Variants in AKAP14 observed in about 807,000 individuals in gnomAD.
AKAP14 encodes A-kinase anchor protein 14.
AKAP14 carries 4 observed loss-of-function variants against 17.0 expected under a neutral mutation model. The observed-to-expected ratio is 0.23, with a 90% CI of 0.12 to 0.54. The LOEUF (loss-of-function observed/expected upper bound fraction) is 0.54, where lower values mean the gene tolerates loss of function less well. AKAP14 is among the 20% of genes least tolerant of loss of function. AKAP14 has a pLI of 0.95. For missense variants in AKAP14, 129 were observed against 150.9 expected (o/e 0.85, Z 0.76); for synonymous variants, 42 against 51.3 (o/e 0.82, Z 0.77).
In AKAP14 at chrX:119,895,936, T is replaced by C. The variant is rs1054191272; in HGVS notation, c.-175T>C. On this transcript the variant is annotated 5_prime_UTR_variant, in exon 1 of 7. Transcript: ENST00000371431. ...TACCAGCTGTGAGGCTTATCACCAC[T>C]GTTCTTCCTGGCATGGCCCTGTAAG... is the stretch of plus-strand genomic sequence containing the variant. 9.0e-6 allele frequency: 1 copy of C among 111,717 alleles called. No homozygotes were observed. Among genetic ancestry groups the C allele is most frequent in the Admixed American group, 9.6e-5 (1 of 10,424 alleles). The allele number at this position is 111,717 out of a possible 1,213,427, so 9.2% of individuals were successfully genotyped here.
intron 4 of AKAP14, among the ~76,000 whole-genome samples, chrX:119,905,050 C>CA (rs35528603): frequency 1.4e-3 from 132 of 95,163 alleles, no homozygotes; most frequent in Non-Finnish European, 1.9e-3. Context: ...GACCCTGTCT[C>CA]AAAAAAAAAA....
chrX:119,897,557 T>G (rs757788578), intron 2 of AKAP14, among the ~76,000 whole-genome samples: 6 of 112,624 alleles, frequency 5.3e-5, no homozygotes, highest in Non-Finnish European at 1.1e-4. Context: ...TACAGTTGTC[T>G]TTAACTACAG....
At chrX:119,906,236 T>C (rs1485730399) in intron 4 of AKAP14, among the ~76,000 whole-genome samples, 3 of 85,622 alleles carry the variant, frequency 3.5e-5, no homozygotes, top group Admixed American at 1.3e-4. Context: ...TTTTTTTTTT[T>C]TTTTTTTTTT....
chrX:119,897,105 C>T (rs767354088), intron 2 of AKAP14, among the ~76,000 whole-genome samples: 8 of 109,723 alleles, frequency 7.3e-5, no homozygotes, highest in Non-Finnish European at 1.1e-4. Context: ...CCACCGCGCC[C>T]GGCCCCAAAT....
intron 5 of AKAP14, among the ~76,000 whole-genome samples, chrX:119,916,458 AT>A (rs2056658052): frequency 9.3e-6 from 1 of 107,214 alleles, no homozygotes. Context: ...CTATCTATCT[AT>A]CTATCTATCT....
At chrX:119,905,444 A>G (rs1287664889) in intron 4 of AKAP14, among the ~76,000 whole-genome samples, 1 of 112,903 alleles carries the variant, frequency 8.9e-6, no homozygotes, top group Non-Finnish European at 1.9e-5. Flanking sequence ...GAATCAAACT[A>G]GAATGGAACA....
intron 4 of AKAP14, among the ~76,000 whole-genome samples, chrX:119,911,015 A>G (rs991690618): frequency 9.3e-6 from 1 of 107,561 alleles, no homozygotes; most frequent in Admixed American, 1.0e-4. Flanking sequence ...GGCCCTAGGT[A>G]TTGAGCTTAC....
Position 119,903,244 on chromosome X carries a change from A to G in AKAP14, c.21A>G (p.Ser7=), listed in dbSNP as rs1445150477. The G allele has an allele frequency of 8.3e-7, 1 of 1,209,024 alleles. No homozygotes were observed. Among genetic ancestry groups the G allele is most frequent in the Admixed American group, 2.2e-5 (1 of 45,233 alleles). ...AGAAAATGAGTGAGACTCAAAATTC[A>G]ACAAGCCAGAAAGCAATGGATGAGG... The part of the protein sequence containing the change: MSETQN[S]TSQKAMDEDN... Residue 7 remains serine, a synonymous_variant, in exon 3 of 7, where the codon TCA becomes TCG. Transcript: ENST00000371431.
chrX:119,903,107 A>G, intron 2 of AKAP14, 107 bp from the exon 3 acceptor site: 1 of 829,028 alleles, frequency 1.2e-6, no homozygotes, highest in Non-Finnish European at 1.7e-6. Context: ...AGAGGCAATA[A>G]CTGCTTCCTG....
chrX:119,917,970 T>C (rs1473787699), intron 5 of AKAP14, among the ~76,000 whole-genome samples: 1 of 112,287 alleles, frequency 8.9e-6, no homozygotes, highest in East Asian at 2.8e-4. Flanking sequence ...CAAGGCCCTG[T>C]GTGATCTGGT....
chrX:119,913,067 T>C (rs2056636720), intron 4 of AKAP14, among the ~76,000 whole-genome samples: 2 of 107,555 alleles, frequency 1.9e-5, no homozygotes, highest in Admixed American at 1.0e-4. Flanking sequence ...GCAGGCGGAT[T>C]GCTCGAGCCC....
At chrX:119,896,805 CTTTTTTTCTTTT>C (rs1247560024) in intron 2 of AKAP14, among the ~76,000 whole-genome samples, 6 of 70,770 alleles carry the variant, frequency 8.5e-5, no homozygotes, top group African/African-American at 1.1e-4. Context: ...CTTTTCTTTT[CTTTTTTTCTTTT>C]TTTTTTTTTT....
chrX:119,907,129 ATT>A (rs200883865), intron 4 of AKAP14, among the ~76,000 whole-genome samples: 9 of 98,729 alleles, frequency 9.1e-5, no homozygotes, highest in Middle Eastern at 5.2e-3. Flanking sequence ...TGTCTGTCTG[ATT>A]TTTTTTTTTT....
intron 4 of AKAP14, among the ~76,000 whole-genome samples, chrX:119,908,885 C>G (rs5910704): frequency 0.041 from 4,577 of 111,618 alleles, 88 homozygotes; most frequent in East Asian, 0.12. Context: ...AGGCTGCCTT[C>G]ATTCACAAAA....
At chrX:119,906,076 C>T (rs997310370) in intron 4 of AKAP14, among the ~76,000 whole-genome samples, 2 of 111,298 alleles carry the variant, frequency 1.8e-5, no homozygotes, top group Admixed American at 9.8e-5. Flanking sequence ...AGAGCCAGGT[C>T]AAAGGATTTG....
At chrX:119,898,495 A>G (rs1375737067) in intron 2 of AKAP14, among the ~76,000 whole-genome samples, 1 of 111,819 alleles carries the variant, frequency 8.9e-6, no homozygotes, top group Non-Finnish European at 1.9e-5. Flanking sequence ...GAAAGGAAAC[A>G]GAGAGTTGCC....
chrX:119,912,679 C>A (rs2056634250), intron 4 of AKAP14, among the ~76,000 whole-genome samples: 1 of 111,269 alleles, frequency 9.0e-6, no homozygotes, highest in Non-Finnish European at 1.9e-5. Context: ...GCGTGAGCCA[C>A]TGTGCCCAGC....
intron 5 of AKAP14, among the ~76,000 whole-genome samples, chrX:119,917,975 T>C: frequency 1.8e-5 from 2 of 111,985 alleles, no homozygotes; most frequent in Non-Finnish European, 3.8e-5. Flanking sequence ...CCCTGTGTGA[T>C]CTGGTCCCTT....
intron 4 of AKAP14, among the ~76,000 whole-genome samples, chrX:119,905,455 C>T (rs778597184): frequency 1.8e-5 from 2 of 112,727 alleles, no homozygotes; most frequent in African/African-American, 6.4e-5. Flanking sequence ...GAATGGAACA[C>T]ATAGCAAGTA....
Sources: gnomAD v4.1 joint callset for allele counts (sites outside exome capture counted in the v4.1 genomes callset) on GRCh38, gnomAD v4.1.1 for gene constraint, MANE v1.5 for transcripts, NCBI Gene and HGNC (gene_info 2026-07-23, HGNC 2026-07-21) for gene names.